The following FBXO16 variants were observed in gnomAD, a reference collection of about 807,000 sequenced individuals.
The protein encoded by FBXO16 is F-box protein 16.
Under a neutral mutation model 41.0 loss-of-function variants are expected in FBXO16, and 31 were observed. That is an observed-to-expected ratio of 0.76 (90% CI 0.57 to 1.02). The LOEUF (loss-of-function observed/expected upper bound fraction) is 1.02, where lower values mean the gene tolerates loss of function less well. Ranked by LOEUF, FBXO16 falls within the 50% of genes least tolerant of loss-of-function variation. FBXO16 has a pLI of 0.00. For missense variants in FBXO16, 361 were observed against 346.2 expected, an observed-to-expected ratio of 1.04 and a Z score of -0.34; for synonymous variants, 133 against 117.8, an observed-to-expected ratio of 1.13 and a Z score of -0.84.
At chr8:28,475,667 A>G (rs549347885) in intron 2 of FBXO16, among the ~76,000 whole-genome samples, 1 of 152,296 alleles carries the variant, frequency 6.6e-6, no homozygotes, top group African/African-American at 2.4e-5. Flanking sequence ...TAGACCTTAC[A>G]GTGTTTGTTT....
chr8:28,442,445 G>A (rs1802795657), intron 7 of FBXO16, among the ~76,000 whole-genome samples: 1 of 152,080 alleles, frequency 6.6e-6, no homozygotes, highest in African/African-American at 2.4e-5. Context: ...GCGCAATGGT[G>A]CGATCTCAAG....
intron 4 of FBXO16, among the ~76,000 whole-genome samples, chr8:28,462,409 G>C (rs936562311): frequency 1.3e-4 from 20 of 151,814 alleles, no homozygotes; most frequent in African/African-American, 4.6e-4. Context: ...CTCCCGAGTA[G>C]CTGGGACTAC....
intron 6 of FBXO16, among the ~76,000 whole-genome samples, 168 bp downstream of exon 6, chr8:28,452,076 G>A (rs970350634): frequency 4.6e-5 from 7 of 151,792 alleles, no homozygotes; most frequent in African/African-American, 1.7e-4. Context: ...AACCAATAGA[G>A]CAAATTTGCT....
chr8:28,469,004 T>C (rs1051324219), intron 3 of FBXO16, among the ~76,000 whole-genome samples: 4 of 152,074 alleles, frequency 2.6e-5, no homozygotes, highest in Non-Finnish European at 5.9e-5. Flanking sequence ...TTTTTTCTAA[T>C]TAAAAAAAAA....
At chr8:28,443,064 G>A (rs999874917) in intron 7 of FBXO16, among the ~76,000 whole-genome samples, 1 of 151,672 alleles carries the variant, frequency 6.6e-6, no homozygotes, top group Non-Finnish European at 1.5e-5. Context: ...TGTCACCCAG[G>A]CTGGACTGCA....
chr8:28,441,622 G>A (rs111868363), intron 7 of FBXO16, among the ~76,000 whole-genome samples: 14 of 151,380 alleles, frequency 9.2e-5, no homozygotes, highest in Non-Finnish European at 1.6e-4. Flanking sequence ...TGTAGTCCCA[G>A]CTACTCAGGA....
At chr8:28,478,360 C>A (rs1449709930) in intron 2 of FBXO16, among the ~76,000 whole-genome samples, 1 of 152,160 alleles carries the variant, frequency 6.6e-6, no homozygotes, top group African/African-American at 2.4e-5. Context: ...CTTGAGAGAG[C>A]CGCCTTGCCC....
chr8:28,456,306 T>C (rs1405267491), intron 5 of FBXO16, among the ~76,000 whole-genome samples: 1 of 152,218 alleles, frequency 6.6e-6, no homozygotes, highest in Non-Finnish European at 1.5e-5. Flanking sequence ...ATGAGGCCCT[T>C]CCCTGATGAC....
chr8:28,485,042 T>C (rs769803803), intron 1 of FBXO16, among the ~76,000 whole-genome samples: 3 of 152,030 alleles, frequency 2.0e-5, no homozygotes, highest in African/African-American at 7.3e-5. Context: ...ACACTCAGGG[T>C]TGCAGGCTTC....
chr8:28,441,351 G>A lies in FBXO16; in HGVS notation c.843+5820C>T, dbSNP rs546940435. On this transcript the variant is annotated intron_variant, in intron 7 of 8. Coordinates refer to ENST00000380254, the MANE Select transcript of FBXO16 (RefSeq NM_172366.4). ...GTCTGCTGACATCCTTGCTCTCAAG[G>A]CCTCCTCTCTCCCTATGAGTTTAGC... is the stretch of plus-strand genomic sequence containing the variant. Among the ~76,000 whole-genome samples, 66 of 152,210 alleles carry A rather than the reference G, an allele frequency of 4.3e-4. 1 individual carries two copies. Among genetic ancestry groups the A allele is most frequent in the Non-Finnish European group, 8.7e-4 (59 of 68,000 alleles).
intron 4 of FBXO16, among the ~76,000 whole-genome samples, chr8:28,458,544 C>T (rs983499559): frequency 6.8e-5 from 6 of 87,606 alleles, no homozygotes; most frequent in Non-Finnish European, 8.9e-5. Flanking sequence ...TCTTCTTCTT[C>T]TTTTTTTTTT....
At chr8:28,428,912 CTACAGATAA>C in intron 8 of FBXO16, among the ~76,000 whole-genome samples, 176 bp from the exon 9 acceptor site, 1 of 152,288 alleles carries the variant, frequency 6.6e-6, no homozygotes, top group East Asian at 1.9e-4. Context: ...TCACCCTGAG[CTACAGATAA>C]TACGGTCTTT....
At chr8:28,432,222 C>G (rs1802617725) in intron 7 of FBXO16, among the ~76,000 whole-genome samples, 1 of 151,300 alleles carries the variant, frequency 6.6e-6, no homozygotes, top group Non-Finnish European at 1.5e-5. Flanking sequence ...GCCTGTAATC[C>G]CAGCACTTTG....
At chr8:28,455,965 C>T (rs1803032151) in intron 5 of FBXO16, 1 of 152,044 alleles carries the variant, frequency 6.6e-6, no homozygotes, top group East Asian at 1.9e-4. Context: ...GGATTCATTG[C>T]TGTTTTTTTC....
intron 1 of FBXO16, among the ~76,000 whole-genome samples, chr8:28,489,648 G>A (rs62502449): frequency 6.6e-5 from 10 of 150,858 alleles, no homozygotes; most frequent in African/African-American, 1.7e-4. Context: ...TGCAGTGAGC[G>A]ATGATTGCAC....
intron 1 of FBXO16, among the ~76,000 whole-genome samples, chr8:28,489,832 G>A (rs757812712): frequency 3.3e-5 from 5 of 152,148 alleles, no homozygotes; most frequent in Non-Finnish European, 5.9e-5. Flanking sequence ...GGGTCTCTCT[G>A]CTAACAGAAT....
intron 4 of FBXO16, among the ~76,000 whole-genome samples, chr8:28,459,623 A>AAAT (rs57120891): frequency 0.37 from 50,608 of 137,666 alleles, 9,372 homozygotes; most frequent in East Asian, 0.52. Context: ...CCTGTCTCAA[A>AAAT]AATAATAATA....
chr8:28,465,800 G>GTT (rs869046829), intron 3 of FBXO16, among the ~76,000 whole-genome samples: 1 of 147,248 alleles, frequency 6.8e-6, no homozygotes, highest in African/African-American at 2.7e-5. Flanking sequence ...TTTTGTTGTT[G>GTT]TTGTTTTGTT....
intron 7 of FBXO16, 84 bp downstream of exon 7, chr8:28,447,087 T>C (rs1197679437): frequency 1.5e-5 from 19 of 1,259,060 alleles, no homozygotes; most frequent in Non-Finnish European, 2.2e-6. Flanking sequence ...ATTAAATAAA[T>C]GAATTCAATT....
Sources: allele counts gnomAD v4.1 joint callset (sites outside exome capture counted in the v4.1 genomes callset), GRCh38; gene constraint gnomAD v4.1.1; transcripts MANE v1.5; gene names NCBI Gene and HGNC (gene_info 2026-07-23, HGNC 2026-07-21).